Variants in UBE2E2 observed in about 807,000 individuals in gnomAD.
The protein encoded by UBE2E2 is ubiquitin-conjugating enzyme E2 E2.
Under a neutral mutation model 24.7 loss-of-function variants are expected in UBE2E2, and 6 were observed. The observed-to-expected ratio is 0.24, with a 90% CI of 0.13 to 0.48. The LOEUF (loss-of-function observed/expected upper bound fraction) is 0.48, where lower values mean the gene tolerates loss of function less well. Ranked by LOEUF, UBE2E2 falls within the 20% of genes least tolerant of loss-of-function variation. The pLI is 0.99. For missense variants in UBE2E2, 169 were observed against 245.0 expected, an observed-to-expected ratio of 0.69 and a Z score of 2.07; for synonymous variants, 104 against 83.6, an observed-to-expected ratio of 1.24 and a Z score of -1.33.
chr3:23,319,037 TA>T lies in UBE2E2; in HGVS notation c.227+101726del, dbSNP rs556451136. On this transcript the variant is annotated intron_variant, in intron 3 of 5. Coordinates refer to ENST00000396703, the MANE Select transcript of UBE2E2 (RefSeq NM_152653.4). Reference sequence around the variant, plus strand: ...ATGTTGTGTGTTTAAGAAGCCAATGTATATTAAATTGAGAGAAACTGAGAGT... The same window carrying T: ...ATGTTGTGTGTTTAAGAAGCCAATGTTATTAAATTGAGAGAAACTGAGAGT... 1.1e-4 allele frequency among the ~76,000 whole-genome samples: 16 copies of T among 152,372 alleles called. 1 individual carries two copies. The East Asian group carries it at 2.7e-3, about 26-fold the overall frequency.
At chr3:23,222,251 A>G (rs575844678) in intron 3 of UBE2E2, among the ~76,000 whole-genome samples, 39 of 152,264 alleles carry the variant, frequency 2.6e-4, no homozygotes, top group African/African-American at 8.7e-4. Flanking sequence ...TTCATTTGTT[A>G]ATGGGCACTC....
At chr3:23,314,627 G>T (rs185069823) in intron 3 of UBE2E2, among the ~76,000 whole-genome samples, 1 of 152,086 alleles carries the variant, frequency 6.6e-6, no homozygotes, top group Non-Finnish European at 1.5e-5. Flanking sequence ...AGCATTTGTT[G>T]TAGGACAGGT....
At chr3:23,547,120 A>G (rs9873979) in intron 5 of UBE2E2, among the ~76,000 whole-genome samples, 46,334 of 152,120 alleles carry the variant, frequency 0.3, 7,714 homozygotes, top group East Asian at 0.49. Flanking sequence ...CAAGGAGCAC[A>G]TTTTGTAACT....
chr3:23,292,359 C>T (rs1031273932), intron 3 of UBE2E2, among the ~76,000 whole-genome samples: 1 of 152,080 alleles, frequency 6.6e-6, no homozygotes, highest in Non-Finnish European at 1.5e-5. Context: ...GAGGTATATT[C>T]GTTATGTACC....
chr3:23,519,489 A>G (rs1694812544), intron 4 of UBE2E2, among the ~76,000 whole-genome samples: 1 of 152,160 alleles, frequency 6.6e-6, no homozygotes, highest in Non-Finnish European at 1.5e-5. Context: ...TCTATTCTGC[A>G]TAGATGTTTA....
chr3:23,274,851 C>CA (rs1370006021), intron 3 of UBE2E2, among the ~76,000 whole-genome samples: 18 of 151,920 alleles, frequency 1.2e-4, no homozygotes, highest in South Asian at 2.1e-4. Context: ...AAATAGTATC[C>CA]CTTTTTTTTG....
intron 5 of UBE2E2, among the ~76,000 whole-genome samples, chr3:23,574,351 G>A (rs1696295771): frequency 6.6e-6 from 1 of 152,054 alleles, no homozygotes; most frequent in South Asian, 2.1e-4. Flanking sequence ...TAATTTAATT[G>A]TACATGTTAA....
chr3:23,268,042 G>A (rs1405362768), intron 3 of UBE2E2, among the ~76,000 whole-genome samples: 1 of 151,694 alleles, frequency 6.6e-6, no homozygotes, highest in Admixed American at 6.6e-5. Context: ...ATTAGGTATT[G>A]ATGGGACGTA....
chr3:23,581,866 A>C (rs887010177), intron 5 of UBE2E2, among the ~76,000 whole-genome samples: 12 of 152,192 alleles, frequency 7.9e-5, no homozygotes, highest in Non-Finnish European at 1.5e-5. Flanking sequence ...CCATTTCCTC[A>C]GGATTCACTT....
intron 3 of UBE2E2, among the ~76,000 whole-genome samples, chr3:23,433,451 C>G (rs1426527387): frequency 6.6e-6 from 1 of 151,876 alleles, no homozygotes; most frequent in Non-Finnish European, 1.5e-5. Flanking sequence ...ATGCTTTGGA[C>G]TGATGTCAAC....
rs547543490 is a variant in UBE2E2 at position 23,397,632 on chromosome 3, C to T, written c.228-101976C>T. On this transcript the variant is annotated intron_variant, in intron 3 of 5. Coordinates refer to ENST00000396703, the MANE Select transcript of UBE2E2 (RefSeq NM_152653.4). ...CATCTCAATACATGGGATCATATAC[C>T]GTCTACATTTTGGTGTCTGGCTTCT... Among the ~76,000 whole-genome samples, 65 of 152,250 alleles carry T rather than the reference C, an allele frequency of 4.3e-4. No homozygotes were observed. The Middle Eastern group carries it at 0.01, about 24-fold the overall frequency.
In UBE2E2 at chr3:23,518,115, T is replaced by G. The variant is rs1021940702; in HGVS notation, c.361-14439T>G. 6.6e-5 allele frequency among the ~76,000 whole-genome samples: 10 copies of G among 152,254 alleles called. 2 individuals carry two copies. Among genetic ancestry groups the G allele is most frequent in the Admixed American group, 1.3e-4 (2 of 15,290 alleles). Reference sequence around the variant, plus strand: ...CCCATTTTTTTTAGGGCAGTAGTCTTACAGAGAATATTGGAGGGGAAAAGA... The same window carrying G: ...CCCATTTTTTTTAGGGCAGTAGTCTGACAGAGAATATTGGAGGGGAAAAGA... On this transcript the variant is annotated intron_variant, in intron 4 of 5. Coordinates refer to ENST00000396703, the MANE Select transcript of UBE2E2 (RefSeq NM_152653.4).
At chr3:23,347,540 C>T (rs572880586) in intron 3 of UBE2E2, among the ~76,000 whole-genome samples, 9 of 151,762 alleles carry the variant, frequency 5.9e-5, no homozygotes, top group Admixed American at 2.0e-4. Flanking sequence ...ATATCACACA[C>T]TGGGGCCTGT....
intron 3 of UBE2E2, among the ~76,000 whole-genome samples, chr3:23,345,034 A>G (rs1304322211): frequency 6.6e-6 from 1 of 152,118 alleles, no homozygotes; most frequent in Admixed American, 6.5e-5. Context: ...TGAGATTCTG[A>G]AAGAGGAGGA....
intron 3 of UBE2E2, among the ~76,000 whole-genome samples, chr3:23,296,377 C>A (rs930969557): frequency 1.3e-5 from 2 of 152,014 alleles, no homozygotes; most frequent in Admixed American, 1.3e-4. Context: ...AGGTTTGGTA[C>A]ATATGTATAC....
chr3:23,565,380 TC>T (rs1359289353), intron 5 of UBE2E2, among the ~76,000 whole-genome samples: 2 of 148,786 alleles, frequency 1.3e-5, no homozygotes, highest in African/African-American at 4.9e-5. Context: ...ATTATTACAC[TC>T]TCATGAACAG....
At chr3:23,354,040 T>A (rs1324810838) in intron 3 of UBE2E2, among the ~76,000 whole-genome samples, 1 of 152,222 alleles carries the variant, frequency 6.6e-6, no homozygotes, top group South Asian at 2.1e-4. Context: ...AAAACAGAGA[T>A]ATAGATCAGC....
intron 3 of UBE2E2, among the ~76,000 whole-genome samples, chr3:23,464,598 A>AAATT (rs1314234768): frequency 6.6e-6 from 1 of 152,188 alleles, no homozygotes; most frequent in Non-Finnish European, 1.5e-5. Context: ...AAGACAAAAT[A>AAATT]AATTAACTGT....
At chr3:23,260,930 G>A (rs1206289112) in intron 3 of UBE2E2, among the ~76,000 whole-genome samples, 3 of 151,848 alleles carry the variant, frequency 2.0e-5, no homozygotes, top group Admixed American at 6.6e-5. Context: ...GTGGCAAAAC[G>A]CTGTCTCTAA....
Sources: gnomAD v4.1 joint callset for allele counts (sites outside exome capture counted in the v4.1 genomes callset) on GRCh38, gnomAD v4.1.1 for gene constraint, MANE v1.5 for transcripts, NCBI Gene and HGNC (gene_info 2026-07-23, HGNC 2026-07-21) for gene names.